Variants in ZAN observed in about 807,000 individuals in gnomAD.
ZAN encodes zonadhesin (gene/pseudogene).
Under a neutral mutation model 286.2 loss-of-function variants are expected in ZAN, and 260 were observed. That is an observed-to-expected ratio of 0.91 (90% CI 0.82 to 1.01). The LOEUF (loss-of-function observed/expected upper bound fraction) is 1.01, where lower values mean the gene tolerates loss of function less well. Ranked by LOEUF, ZAN falls within the 50% of genes least tolerant of loss-of-function variation. The pLI, the probability that ZAN is intolerant of heterozygous loss-of-function variation, is 0.00. For synonymous variants in ZAN, 1,368 were observed against 1,417.5 expected, an observed-to-expected ratio of 0.97 and a Z score of 0.79; for missense variants, 3,410 against 3,639.2, an observed-to-expected ratio of 0.94 and a Z score of 1.62.
intron 8 of ZAN, among the ~76,000 whole-genome samples, 174 bp downstream of exon 8, chr7:100,746,876 C>T (rs1808258532): frequency 1.3e-5 from 2 of 152,004 alleles, no homozygotes; most frequent in South Asian, 2.1e-4. Context: ...CCGAGGCAGG[C>T]GGATCACGAG....
intron 39 of ZAN, 57 bp from the exon 40 acceptor site, chr7:100,790,879 TAAAAAA>T (rs5886138): frequency 1.9e-5 from 23 of 1,210,990 alleles, no homozygotes; most frequent in African/African-American, 8.6e-5. Flanking sequence ...CAAGACTGTC[TAAAAAA>T]AAAAAAAAAA....
intron 4 of ZAN, 61 bp downstream of exon 4, chr7:100,736,690 C>T: frequency 1.3e-6 from 2 of 1,501,278 alleles, no homozygotes; most frequent in Non-Finnish European, 1.8e-6. Context: ...GCGGGAGTGG[C>T]TAGATGGAGA....
At chr7:100,792,982 C>CAAAAAAAA (rs1232116032) in intron 42 of ZAN, among the ~76,000 whole-genome samples, 149 of 50,814 alleles carry the variant, frequency 2.9e-3, no homozygotes, top group Middle Eastern at 0.029. Flanking sequence ...CATCCTATCT[C>CAAAAAAAA]AAAAAAAAAA....
chr7:100,788,570 C>T (rs183751208), intron 38 of ZAN, among the ~76,000 whole-genome samples: 8 of 151,942 alleles, frequency 5.3e-5, no homozygotes, highest in Admixed American at 1.3e-4. Flanking sequence ...ACAAATTCAG[C>T]AACAAGCTCA....
At chr7:100,792,688 T>C in intron 42 of ZAN, 1 of 1,307,046 alleles carries the variant, frequency 7.7e-7, no homozygotes, top group South Asian at 1.6e-5. Flanking sequence ...CAGGTCCAAG[T>C]CAGCACAACC....
Position 100,735,776 on chromosome 7 carries a change from A to G in ZAN, c.106+4A>G. 1 of 1,495,180 alleles carries G rather than the reference A, an allele frequency of 6.7e-7. No homozygotes were observed. The allele number at this position is 1,495,180 out of a possible 1,614,324, so 92.6% of individuals were successfully genotyped here. ...GTTCGCAGCTCTAGGGACAACTGTG[A>G]GTTGGAAACCAGGAGTGCTAAGATT... On this transcript the variant is annotated splice_donor_region_variant and intron_variant, in intron 3 of 47. Coordinates refer to ENST00000613979, the MANE Select transcript of ZAN (RefSeq NM_003386.3).
rs150922232 is a variant in ZAN, at chr7:100,795,351, C to G, written c.8266+15C>G. ...CAGAAAGCCAGGTGAGGGCATCGTCCAAGGCCCTGTACCCTCACAACCTCT... is the reference window on the plus strand; with the variant it reads ...CAGAAAGCCAGGTGAGGGCATCGTCGAAGGCCCTGTACCCTCACAACCTCT... On this transcript the variant is annotated intron_variant, in intron 45 of 47. Coordinates refer to ENST00000613979, the MANE Select transcript of ZAN (RefSeq NM_003386.3). 4.1e-4 allele frequency: 644 copies of G among 1,565,812 alleles called. 5 individuals are homozygous for G. The African/African-American group carries it at 7.8e-3, about 19-fold the overall frequency.
At position 100,771,967 on chromosome 7, in the gene ZAN, C is replaced by A. The variant is rs201558197; in HGVS notation, c.5372C>A (p.Ser1791Tyr). Residue 1791 changes from serine to tyrosine, a missense_variant, in exon 29 of 48, where the codon TCC (serine) becomes TAC (tyrosine). Transcript: ENST00000613979. ...TGCCGCTCCCTGCAGGCCTACGCGT[C>A]CCTGTGTGCCCAGGCTGGCCAGGCC... ...ALCRSLQAYA[S>Y]LCAQAGQAPA... 4.6e-4 allele frequency: 745 copies of A among 1,609,580 alleles called. No homozygotes were observed. Among genetic ancestry groups the A allele is most frequent in the Non-Finnish European group, 6.1e-4 (721 of 1,179,196 alleles).
chr7:100,786,613 G>A (rs552372732), intron 37 of ZAN, among the ~76,000 whole-genome samples: 1 of 152,252 alleles, frequency 6.6e-6, no homozygotes, highest in South Asian at 2.1e-4. Flanking sequence ...GTCTTGCTAT[G>A]TTGCCCAAGA....
intron 39 of ZAN, among the ~76,000 whole-genome samples, chr7:100,790,521 C>T (rs1350361271): frequency 4.8e-5 from 7 of 145,220 alleles, no homozygotes; most frequent in Admixed American, 1.4e-4. Context: ...GAGATCACAC[C>T]GCTGCACTCC....
In ZAN at chr7:100,742,866, G is replaced by A. The variant is rs1175561365; in HGVS notation, c.767-3672G>A. ...CCGTGGGGAGAGGGAGACGGAGACG[G>A]AGACGAGGGAGAGGGAGGGGGAGGG... On this transcript the variant is annotated intron_variant, in intron 7 of 47. Coordinates refer to ENST00000613979, the MANE Select transcript of ZAN (RefSeq NM_003386.3). 8.8e-5 allele frequency among the ~76,000 whole-genome samples: 4 copies of A among 45,408 alleles called. No homozygotes were observed. In the East Asian group the frequency reaches 1.4e-3, roughly 16 times the overall value. The allele number at this position is 45,408 out of a possible 152,430, so 29.8% of individuals were successfully genotyped here.
chr7:100,773,970 C>T, intron 31 of ZAN, 105 bp downstream of exon 31: 1 of 1,446,200 alleles, frequency 6.9e-7, no homozygotes, highest in South Asian at 1.4e-5. Context: ...CAGGTTTTGA[C>T]TGGTAACTCT....
Position 100,786,150 on chromosome 7 carries a change from A to AGC in ZAN, c.6979+11_6979+12dup. ...CAATTGTGTCTCAGACAGTAAGGGG[A>AGC]GCGACCGGGGAGGTTGGAGAGGGGA... is the stretch of plus-strand genomic sequence containing the variant. On this transcript the variant is annotated intron_variant, in intron 37 of 47. Transcript: ENST00000613979. The AGC allele has an allele frequency of 6.2e-7, 1 of 1,613,524 alleles. No individual in the cohort carries two copies. The highest frequency in any genetic ancestry group is 8.5e-7 in the Non-Finnish European group (1 of 1,179,692).
chr7:100,776,479 G>T lies in ZAN; in HGVS notation c.6232G>T (p.Asp2078Tyr). 6.2e-7 allele frequency: 1 copy of T among 1,602,748 alleles called. No individual in the cohort carries two copies. Among genetic ancestry groups the T allele is most frequent in the Non-Finnish European group, 8.5e-7 (1 of 1,174,642 alleles). ...MCGNFNDEEE[D>Y]ELMMPSDEVA... ...TGGGAACTTCAATGATGAGGAAGAG[G>T]ACGAACTAATGATGCCCAGCGATGA... is the stretch of plus-strand genomic sequence containing the variant. The change falls in exon 34 of 48, where the codon GAC becomes TAC. Residue 2078 changes from aspartate (D) to tyrosine (Y), a missense_variant. By Grantham distance (160) the Asp-to-Tyr change is radical (BLOSUM62 -3). Around this residue, in one of 7 missense-constraint regions of ZAN, gnomAD observed 1,289 missense variants for 1,314.3 expected, o/e 0.98. Transcript: ENST00000613979.
rs754618677 is a variant in ZAN at position 100,794,269 on chromosome 7, A to G, written c.8125+11A>G. ...AAGGCTGCTTTCCAGGTGAACCTGC[A>G]CTCCTGCCCGGTTCCAAGCTGCCCC... On this transcript the variant is annotated intron_variant, in intron 44 of 47. Transcript: ENST00000613979. The G allele has an allele frequency of 4.4e-6, 7 of 1,584,966 alleles. No individual in the cohort carries two copies. The East Asian group carries it at 1.3e-4, about 30-fold the overall frequency.
rs1811041891 is a variant in ZAN, at chr7:100,779,464, A to G, written c.6336A>G (p.Val2112=). 1 of 1,607,512 alleles carries G rather than the reference A, an allele frequency of 6.2e-7. No homozygotes were observed. ...DIDPSCQSLL[V]DEQQIPAEQQ... is the part of the protein sequence containing the mutation. ...TTCCCAGTTGTCAGAGTCTCCTGGTAGATGAGCAGCAGATTCCAGCGGAAC... is the reference window on the plus strand; with the variant it reads ...TTCCCAGTTGTCAGAGTCTCCTGGTGGATGAGCAGCAGATTCCAGCGGAAC... Residue 2112 remains valine (V), a synonymous_variant, in exon 35 of 48, where the codon GTA becomes GTG. Transcript: ENST00000613979.
At chr7:100,770,116 AG>A in intron 28 of ZAN, 142 bp downstream of exon 28, 2 of 701,278 alleles carry the variant, frequency 2.9e-6, no homozygotes, top group Admixed American at 2.7e-5. Context: ...AGGGCCAGCC[AG>A]CAGTCACCTT....
chr7:100,759,427 A>G (rs1055415571), intron 17 of ZAN, among the ~76,000 whole-genome samples: 1 of 152,128 alleles, frequency 6.6e-6, no homozygotes, highest in East Asian at 1.9e-4. Context: ...AAATACACAC[A>G]TAAATGAAGT....
At chr7:100,775,858 C>T (rs778198531) in intron 33 of ZAN, 25 bp downstream of exon 33, 36 of 1,610,244 alleles carry the variant, frequency 2.2e-5, no homozygotes, top group East Asian at 1.1e-4. Context: ...TGGCTCTTCT[C>T]GCTGGGGAGG....
Sources: gnomAD v4.1 joint callset for allele counts (sites outside exome capture counted in the v4.1 genomes callset) on GRCh38, gnomAD v4.1.1 for gene constraint, gnomAD v4.1.1 regional missense constraint, MANE v1.5 for transcripts, NCBI Gene and HGNC (gene_info 2026-07-23, HGNC 2026-07-21) for gene names.